LUZP2: variants seen among roughly 807,000 people sequenced by gnomAD.
The protein encoded by LUZP2 is leucine zipper protein 2.
A neutral mutation model predicts 51.6 loss-of-function variants in LUZP2; 52 were observed. The ratio of observed to expected loss-of-function variants is 1.01; its 90% CI spans 0.81 to 1.27. The LOEUF (loss-of-function observed/expected upper bound fraction) is 1.27, where lower values mean the gene tolerates loss of function less well. Ranked by LOEUF, LUZP2 falls within the 50% of genes most tolerant of loss-of-function variation. LUZP2 has a pLI of 0.00. For missense variants in LUZP2, 436 were observed against 395.4 expected, an observed-to-expected ratio of 1.10 and a Z score of -0.87; for synonymous variants, 154 against 137.3, an observed-to-expected ratio of 1.12 and a Z score of -0.85.
chr11:24,595,143 ATC>A (rs1326994530), intron 1 of LUZP2, among the ~76,000 whole-genome samples: 2 of 149,736 alleles, frequency 1.3e-5, no homozygotes, highest in Non-Finnish European at 3.0e-5. Context: ...GGCAATTTTA[ATC>A]TTTGTCAATA....
intron 1 of LUZP2, among the ~76,000 whole-genome samples, chr11:24,710,618 C>T (rs7125906): frequency 1.3e-5 from 2 of 152,120 alleles, no homozygotes; most frequent in Non-Finnish European, 1.5e-5. Context: ...TGAAAGCAGC[C>T]TAGCCACAAT....
intron 7 of LUZP2, among the ~76,000 whole-genome samples, chr11:24,957,314 A>G (rs1204075147): frequency 6.6e-6 from 1 of 152,160 alleles, no homozygotes; most frequent in Non-Finnish European, 1.5e-5. Context: ...GAATAATTGA[A>G]TCAGGTTAGT....
chr11:24,915,911 C>G (rs1355734915), intron 7 of LUZP2, among the ~76,000 whole-genome samples: 1 of 151,980 alleles, frequency 6.6e-6, no homozygotes, highest in South Asian at 2.1e-4. Context: ...ACTGGTGAAC[C>G]CTGAGATGAG....
At chr11:24,520,882 A>G (rs543965887) in intron 1 of LUZP2, among the ~76,000 whole-genome samples, 33 of 152,326 alleles carry the variant, frequency 2.2e-4, no homozygotes, top group Non-Finnish European at 4.4e-4. Context: ...AACTCAACCA[A>G]GGGTTTTCCA....
Position 25,025,220 on chromosome 11 carries a change from C to A in LUZP2, c.766-24818C>A, listed in dbSNP as rs979638706. Among the ~76,000 whole-genome samples, 162 of 152,132 alleles carry A rather than the reference C, an allele frequency of 1.1e-3. 2 individuals carry two copies. The highest frequency in any genetic ancestry group is 1.8e-4 in the Non-Finnish European group (12 of 68,016). ...AGAAGAAAACCTAGGCAATACCATT[C>A]AGGTCATAGGCATAGGCAAGGACTT... On this transcript the variant is annotated intron_variant, in intron 9 of 11. Transcript: ENST00000336930.
chr11:24,985,861 A>G (rs1375218633), intron 9 of LUZP2, among the ~76,000 whole-genome samples: 4 of 151,722 alleles, frequency 2.6e-5, no homozygotes, highest in Non-Finnish European at 5.9e-5. Context: ...TATCATCACA[A>G]TGAATAGGGT....
At chr11:24,741,199 G>T (rs1159677208) in intron 4 of LUZP2, among the ~76,000 whole-genome samples, 2 of 151,774 alleles carry the variant, frequency 1.3e-5, no homozygotes, top group Non-Finnish European at 2.9e-5. Flanking sequence ...ATTCTTAAAA[G>T]CCAGCATTGA....
At chr11:24,562,863 CAAAA>C (rs35383666) in intron 1 of LUZP2, among the ~76,000 whole-genome samples, 6 of 115,550 alleles carry the variant, frequency 5.2e-5, no homozygotes, top group Non-Finnish European at 7.3e-5. Context: ...CTCCATCTCT[CAAAA>C]AAAAAAAAAA....
intron 9 of LUZP2, among the ~76,000 whole-genome samples, chr11:25,001,455 A>T (rs1856679432): frequency 6.6e-6 from 1 of 152,130 alleles, no homozygotes; most frequent in South Asian, 2.1e-4. Flanking sequence ...GTAATTAATT[A>T]AGATTTAGAT....
chr11:24,765,314 G>A (rs74873773), intron 5 of LUZP2, among the ~76,000 whole-genome samples: 10,287 of 152,216 alleles, frequency 0.068, 716 homozygotes, highest in African/African-American at 0.18. Flanking sequence ...ACAAAATACA[G>A]TGGTGAGGGA....
Position 24,497,094 on chromosome 11 carries a change from A to T in LUZP2, c.-150A>T. On this transcript the variant is annotated 5_prime_UTR_variant, in exon 1 of 12. Coordinates refer to ENST00000336930, the MANE Select transcript of LUZP2 (RefSeq NM_001009909.4). ...CTCGCTCCCAGCGCCTGCCTTCCCC[A>T]GGCGTCCGTTCGTGTGCCCGTCTCC... The T allele has an allele frequency of 1.8e-6, 1 of 569,350 alleles. No individual in the cohort carries two copies. The highest frequency in any genetic ancestry group is 2.8e-6 in the Non-Finnish European group (1 of 351,556). The allele number at this position is 569,350 out of a possible 1,614,324, so 35.3% of individuals were successfully genotyped here.
intron 1 of LUZP2, among the ~76,000 whole-genome samples, chr11:24,684,413 G>C (rs1443117930): frequency 6.6e-6 from 1 of 152,128 alleles, no homozygotes; most frequent in Non-Finnish European, 1.5e-5. Context: ...GCTCTTTCAT[G>C]GATGTGCATT....
At chr11:24,973,058 G>GTTTTT (rs71044327) in intron 7 of LUZP2, among the ~76,000 whole-genome samples, 57 of 135,544 alleles carry the variant, frequency 4.2e-4, no homozygotes, top group South Asian at 1.6e-3. Flanking sequence ...CTGGTCCTGG[G>GTTTTT]TTTTTTTTTT....
At chr11:24,775,483 C>G (rs371406032) in intron 5 of LUZP2, among the ~76,000 whole-genome samples, 1 of 152,302 alleles carries the variant, frequency 6.6e-6, no homozygotes, top group Admixed American at 6.5e-5. Context: ...CTGAAAAGTT[C>G]TCTTAGCTGA....
intron 8 of LUZP2, among the ~76,000 whole-genome samples, chr11:24,981,946 G>T (rs1242443203): frequency 4.5e-5 from 1 of 21,982 alleles, no homozygotes; most frequent in Non-Finnish European, 3.8e-3. Flanking sequence ...AATAGGCAAA[G>T]GACATGCATG....
chr11:24,822,363 C>T (rs1363841880), intron 5 of LUZP2, among the ~76,000 whole-genome samples: 4 of 152,094 alleles, frequency 2.6e-5, no homozygotes, highest in African/African-American at 7.2e-5. Flanking sequence ...AGGTGAACCA[C>T]TCTTAGATTT....
chr11:24,527,172 T>C (rs115767692), intron 1 of LUZP2, among the ~76,000 whole-genome samples: 3 of 151,388 alleles, frequency 2.0e-5, no homozygotes, highest in Non-Finnish European at 4.4e-5. Flanking sequence ...CTTTTAGCAA[T>C]ATATTTTGAA....
At chr11:24,773,737 G>A (rs558370011) in intron 5 of LUZP2, among the ~76,000 whole-genome samples, 1 of 152,180 alleles carries the variant, frequency 6.6e-6, no homozygotes, top group Admixed American at 6.5e-5. Context: ...TCTCCACCTA[G>A]GAGTATGTTC....
chr11:24,533,537 G>A (rs1176651634), intron 1 of LUZP2, among the ~76,000 whole-genome samples: 5 of 150,932 alleles, frequency 3.3e-5, no homozygotes, highest in Non-Finnish European at 5.9e-5. Context: ...TTCTTCTGAC[G>A]TACTTTCAAA....
Sources: gnomAD v4.1 joint callset for allele counts (sites outside exome capture counted in the v4.1 genomes callset) on GRCh38, gnomAD v4.1.1 for gene constraint, MANE v1.5 for transcripts, NCBI Gene and HGNC (gene_info 2026-07-23, HGNC 2026-07-21) for gene names.